The following SYK variants were observed in gnomAD, a reference collection of about 807,000 sequenced individuals.
SYK encodes the protein spleen associated tyrosine kinase, also known as tyrosine-protein kinase SYK.
In SYK, 16 loss-of-function variants were observed where a neutral mutation model predicts 77.8. That is an observed-to-expected ratio of 0.21 (90% CI 0.14 to 0.31). SYK has a LOEUF of 0.31. Among genes scored for constraint, SYK ranks in the 10% least tolerant of loss-of-function variants. The pLI is 1.00. For missense variants in SYK, 529 were observed against 814.4 expected, an observed-to-expected ratio of 0.65 and a Z score of 4.26; for synonymous variants, 312 against 308.7, an observed-to-expected ratio of 1.01 and a Z score of -0.11.
At chr9:90,890,091 C>A (rs1219643795) in intron 13 of SYK, among the ~76,000 whole-genome samples, 1 of 152,120 alleles carries the variant, frequency 6.6e-6, no homozygotes, top group East Asian at 1.9e-4. Flanking sequence ...TTGCATTTAA[C>A]GTTGATGCTG....
intron 11 of SYK, among the ~76,000 whole-genome samples, chr9:90,879,954 G>T (rs193063066): frequency 1.3e-5 from 2 of 152,342 alleles, no homozygotes; most frequent in Admixed American, 1.3e-4. Flanking sequence ...TAACTCATCT[G>T]TGGTGTATAC....
intron 9 of SYK, among the ~76,000 whole-genome samples, chr9:90,876,451 A>C (rs1028946590): frequency 6.6e-6 from 1 of 151,358 alleles, no homozygotes; most frequent in Non-Finnish European, 1.5e-5. Flanking sequence ...ACAAGTATAT[A>C]CATGCGCACA....
intron 11 of SYK, among the ~76,000 whole-genome samples, chr9:90,884,150 T>TGTGTGTATACACACATACACATAC (rs1828272206): frequency 2.8e-5 from 2 of 71,428 alleles, no homozygotes; most frequent in South Asian, 4.7e-4. Flanking sequence ...TATATGTGTG[T>TGTGTGTATACACACATACACATAC]GTGTATATAT....
At chr9:90,864,507 C>A in intron 4 of SYK, 82 bp from the exon 5 acceptor site, 1 of 1,242,292 alleles carries the variant, frequency 8.0e-7, no homozygotes, top group Non-Finnish European at 1.2e-6. Flanking sequence ...GAAAGCCCAA[C>A]AGTCAGTCAG....
At chr9:90,819,020 A>G (rs1277923737) in intron 1 of SYK, among the ~76,000 whole-genome samples, 2 of 152,250 alleles carry the variant, frequency 1.3e-5, no homozygotes, top group Non-Finnish European at 2.9e-5. Flanking sequence ...ACATTTTGTT[A>G]GAAAACCAAA....
intron 7 of SYK, among the ~76,000 whole-genome samples, chr9:90,869,809 A>G (rs1827659897): frequency 6.6e-6 from 1 of 152,232 alleles, no homozygotes; most frequent in African/African-American, 2.4e-5. Flanking sequence ...ACTTGTCTTT[A>G]GAAATTAGTA....
At chr9:90,816,436 C>G (rs1453158994) in intron 1 of SYK, among the ~76,000 whole-genome samples, 2 of 152,210 alleles carry the variant, frequency 1.3e-5, no homozygotes, top group African/African-American at 4.8e-5. Context: ...GACACGTCTG[C>G]CACCTCTGAG....
chr9:90,865,181 T>C, intron 6 of SYK, 84 bp downstream of exon 6: 2 of 1,348,050 alleles, frequency 1.5e-6, no homozygotes, highest in African/African-American at 1.4e-5. Context: ...ACAGGAGTAG[T>C]AGGCATTGAT....
chr9:90,834,931 T>G (rs1298247267), intron 1 of SYK, among the ~76,000 whole-genome samples: 2 of 152,196 alleles, frequency 1.3e-5, no homozygotes, highest in Non-Finnish European at 2.9e-5. Context: ...TGGTTTCCAG[T>G]CAGGGGTAAG....
intron 1 of SYK, among the ~76,000 whole-genome samples, chr9:90,808,840 A>G (rs1295960888): frequency 6.6e-6 from 1 of 152,124 alleles, no homozygotes; most frequent in Non-Finnish European, 1.5e-5. Flanking sequence ...GCCTGCCTGC[A>G]CAGGGGGACT....
chr9:90,844,818 A>T (rs1433207810), intron 2 of SYK, among the ~76,000 whole-genome samples: 1 of 152,278 alleles, frequency 6.6e-6, no homozygotes, highest in East Asian at 1.9e-4. Flanking sequence ...GTTTATGAAT[A>T]AACGCTGCTA....
chr9:90,812,021 A>G (rs1755958), intron 1 of SYK, among the ~76,000 whole-genome samples: 117,842 of 151,420 alleles, frequency 0.78, 46,282 homozygotes, highest in East Asian at 0.99. Context: ...CTACTTATAC[A>G]TGCATTTCTG....
At chr9:90,881,548 C>T (rs945439215) in intron 11 of SYK, among the ~76,000 whole-genome samples, 1 of 151,964 alleles carries the variant, frequency 6.6e-6, no homozygotes, top group African/African-American at 2.4e-5. Context: ...GGCATGGTGG[C>T]AGGCACCTGT....
chr9:90,845,011 A>G (rs372574245), intron 2 of SYK, among the ~76,000 whole-genome samples: 13 of 152,080 alleles, frequency 8.5e-5, no homozygotes, highest in East Asian at 3.9e-4. Context: ...TCTCAGCTCA[A>G]TGCAACCTCT....
chr9:90,815,483 G>A (rs1379185476), intron 1 of SYK, among the ~76,000 whole-genome samples: 1 of 152,220 alleles, frequency 6.6e-6, no homozygotes, highest in Admixed American at 6.5e-5. Flanking sequence ...GGCCACAAGA[G>A]AAGTCGTTTT....
intron 3 of SYK, among the ~76,000 whole-genome samples, chr9:90,855,701 A>AGG (rs1827011198): frequency 6.6e-6 from 1 of 150,516 alleles, no homozygotes; most frequent in Non-Finnish European, 1.5e-5. Flanking sequence ...TGTGTGTGAG[A>AGG]GAGAGAGAGA....
chr9:90,836,115 C>T (rs1448869258), intron 1 of SYK, among the ~76,000 whole-genome samples: 1 of 152,024 alleles, frequency 6.6e-6, no homozygotes, highest in South Asian at 2.1e-4. Context: ...GGTGAAACCC[C>T]GTCTCTACTA....
At chr9:90,874,906 A>G (rs375515658) in intron 9 of SYK, 57 bp downstream of exon 9, 1 of 1,575,372 alleles carries the variant, frequency 6.3e-7, no homozygotes, top group East Asian at 2.2e-5. Flanking sequence ...TCTAGACATG[A>G]CTGAGAATAA....
chr9:90,814,561 G>T (rs1192567235), intron 1 of SYK, among the ~76,000 whole-genome samples: 1 of 152,132 alleles, frequency 6.6e-6, no homozygotes, highest in Non-Finnish European at 1.5e-5. Flanking sequence ...CCCCTGAGGA[G>T]CCCAGAAGGG....
Sources: allele counts gnomAD v4.1 joint callset (sites outside exome capture counted in the v4.1 genomes callset), GRCh38; gene constraint gnomAD v4.1.1; transcripts MANE v1.5; gene names NCBI Gene and HGNC (gene_info 2026-07-23, HGNC 2026-07-21).